Variants in SV2C observed in about 807,000 individuals in gnomAD.
SV2C encodes solute carrier family 22 member B3.
A neutral mutation model predicts 79.7 loss-of-function variants in SV2C; 49 were observed. The ratio of observed to expected loss-of-function variants is 0.61; its 90% CI spans 0.49 to 0.78. SV2C has a LOEUF of 0.78. SV2C is among the 30% of genes least tolerant of loss of function. The pLI is 0.00. For synonymous variants in SV2C, 334 were observed against 333.2 expected (o/e 1.00, Z -0.03); for missense variants, 833 against 912.9 (o/e 0.91, Z 1.13).
chr5:76,060,343 C>T, the SV2C span, among the ~76,000 whole-genome samples: 6 of 152,234 alleles, frequency 3.9e-5, no homozygotes, highest in South Asian at 1.2e-3. Context: ...ACTGAAAATA[C>T]GTTGTTTAGT....
the SV2C span, among the ~76,000 whole-genome samples, chr5:75,914,667 T>TCTA: frequency 2.6e-5 from 4 of 152,218 alleles, no homozygotes; most frequent in African/African-American, 9.6e-5. Context: ...TGCTAATGTA[T>TCTA]ATCCAAATCT....
At chr5:76,073,515 A>G in the SV2C span, among the ~76,000 whole-genome samples, 123 of 112,786 alleles carry the variant, frequency 1.1e-3, 1 homozygote, top group African/African-American at 3.4e-3. Context: ...ATATATATAT[A>G]TATATATATA....
Position 76,257,338 on chromosome 5 carries a change from G to A in SV2C, c.914-27824G>A, listed in dbSNP as rs141330828. On this transcript the variant is annotated intron_variant, in intron 4 of 12. Transcript: ENST00000502798. The stretch of plus-strand genomic sequence containing the variant: ...GGTGTGTAGTGTGTGTGTGGTATCT[G>A]TATGGTGTGTGTACTACATGGTTGT... Among the ~76,000 whole-genome samples the A allele has an allele frequency of 2.0e-5, 3 of 150,744 alleles. No homozygotes were observed. In the East Asian group the frequency reaches 5.9e-4, roughly 30 times the overall value.
chr5:76,077,517 G>A, the SV2C span, among the ~76,000 whole-genome samples: 1 of 152,156 alleles, frequency 6.6e-6, no homozygotes, highest in Non-Finnish European at 1.5e-5. Flanking sequence ...GGGTGTCTAT[G>A]GAAACAATGT....
intron 2 of SV2C, among the ~76,000 whole-genome samples, chr5:76,139,854 G>GATTTTAAAA (rs1749194755): frequency 1.5e-5 from 1 of 64,742 alleles, no homozygotes; most frequent in Non-Finnish European, 4.4e-5. Flanking sequence ...GCTCTTGAAA[G>GATTTTAAAA]TATTTTTTTT....
the SV2C span, among the ~76,000 whole-genome samples, chr5:75,890,897 C>T: frequency 6.6e-6 from 1 of 152,012 alleles, no homozygotes; most frequent in Non-Finnish European, 1.5e-5. Flanking sequence ...GAAAGCCTTC[C>T]CCTACCATTT....
rs187076592 is a variant in SV2C, at chr5:76,344,298, T to C, written c.2001-8832T>C. Among the ~76,000 whole-genome samples, 15 of 152,348 alleles carry C rather than the reference T, an allele frequency of 9.8e-5. 1 individual carries two copies. In the East Asian group the frequency reaches 2.7e-3, roughly 27 times the overall value. ...ATTTGTTACAAAAGAAATACATCCC[T>C]ATGGGAAAGAGACACTCTCTTTTTC... On this transcript the variant is annotated intron_variant, in intron 12 of 12. Transcript: ENST00000322285.
rs551969283 is a variant in SV2C at position 76,150,478 on chromosome 5, T to G, written c.580+18148T>G. Among the ~76,000 whole-genome samples, 44 of 152,194 alleles carry G rather than the reference T, an allele frequency of 2.9e-4. No homozygotes were observed. In the South Asian group the frequency reaches 8.9e-3, roughly 31 times the overall value. ...GGCGCGAGCCACGGCACCCAGCCTC[T>G]GTTTATTTTTCTAATTTGTAGTTAT... is the stretch of plus-strand genomic sequence containing the variant. On this transcript the variant is annotated intron_variant, in intron 2 of 12. Transcript: ENST00000502798.
At chr5:75,866,802 T>G in the SV2C span, among the ~76,000 whole-genome samples, 1 of 152,276 alleles carries the variant, frequency 6.6e-6, no homozygotes, top group African/African-American at 2.4e-5. Context: ...GGTTAGTTTC[T>G]AGGCAGAGGA....
At chr5:75,988,972 C>G in the SV2C span, among the ~76,000 whole-genome samples, 1 of 151,860 alleles carries the variant, frequency 6.6e-6, no homozygotes, top group Admixed American at 6.6e-5. Flanking sequence ...GTTTCCTGCC[C>G]TTAGAAAACT....
intron 2 of SV2C, among the ~76,000 whole-genome samples, chr5:76,152,457 C>T (rs1311460466): frequency 1.3e-5 from 2 of 152,134 alleles, no homozygotes; most frequent in Admixed American, 6.6e-5. Context: ...ATAGGAGATA[C>T]GTTGGCAAAA....
intron 4 of SV2C, among the ~76,000 whole-genome samples, chr5:76,254,724 C>A (rs1746216212): frequency 6.6e-6 from 1 of 152,116 alleles, no homozygotes; most frequent in Non-Finnish European, 1.5e-5. Context: ...GTACTAAATC[C>A]AAAATGTTAA....
chr5:75,906,417 G>A, the SV2C span, among the ~76,000 whole-genome samples: 1 of 150,480 alleles, frequency 6.6e-6, no homozygotes, highest in African/African-American at 2.5e-5. Context: ...GGATGGGCAG[G>A]AGGTTTTCAT....
chr5:76,040,151 T>G, the SV2C span, among the ~76,000 whole-genome samples: 1 of 152,184 alleles, frequency 6.6e-6, no homozygotes, highest in African/African-American at 2.4e-5. Flanking sequence ...TATGATAGAA[T>G]AGTTAAAAAT....
chr5:76,169,681 C>T lies in SV2C; in HGVS notation c.581-25238C>T, dbSNP rs568641379. Among the ~76,000 whole-genome samples the T allele has an allele frequency of 7.9e-5, 12 of 152,286 alleles. No homozygotes were observed. The East Asian group carries it at 1.5e-3, about 20-fold the overall frequency. On this transcript the variant is annotated intron_variant, in intron 2 of 12. Coordinates refer to ENST00000502798, the MANE Select transcript of SV2C (RefSeq NM_014979.4). ...CTTAACTGGTTCCATCACATTAAAC[C>T]GATTAAGGAAGCTCACAGACACTGT...
At chr5:75,911,507 C>A in the SV2C span, 1 of 731,590 alleles carries the variant, frequency 1.4e-6, no homozygotes, top group Non-Finnish European at 2.4e-6. Context: ...GGGGGTTCAA[C>A]CACTGGCCCT....
At chr5:75,967,522 A>C in the SV2C span, among the ~76,000 whole-genome samples, 2 of 152,312 alleles carry the variant, frequency 1.3e-5, no homozygotes, top group Admixed American at 1.3e-4. Context: ...CCAGGAGTTT[A>C]TATCCCGCAC....
At chr5:76,219,688 A>G (rs1188709142) in intron 4 of SV2C, among the ~76,000 whole-genome samples, 1 of 152,210 alleles carries the variant, frequency 6.6e-6, no homozygotes, top group East Asian at 1.9e-4. Context: ...TCGTCCCCAC[A>G]GACCCAAAAG....
the SV2C span, among the ~76,000 whole-genome samples, chr5:76,022,169 G>T: frequency 1.3e-5 from 2 of 152,170 alleles, no homozygotes; most frequent in Non-Finnish European, 2.9e-5. Context: ...ACTCACTGGT[G>T]TCATTTAGCA....
Sources: gnomAD v4.1 joint callset for allele counts (sites outside exome capture counted in the v4.1 genomes callset) on GRCh38, gnomAD v4.1.1 for gene constraint, MANE v1.5 for transcripts, NCBI Gene and HGNC (gene_info 2026-07-23, HGNC 2026-07-21) for gene names.